ITGA8: variants seen among roughly 807,000 people sequenced by gnomAD.
The protein encoded by ITGA8 is integrin alpha-8.
ITGA8 carries 91 observed loss-of-function variants against 142.3 expected under a neutral mutation model. The observed-to-expected ratio is 0.64, with a 90% CI of 0.54 to 0.76. The LOEUF (loss-of-function observed/expected upper bound fraction) is 0.76, where lower values mean the gene tolerates loss of function less well. Among genes scored for constraint, ITGA8 ranks in the 30% least tolerant of loss-of-function variants. ITGA8 has a pLI of 0.00. For synonymous variants in ITGA8, 505 were observed against 485.2 expected (o/e 1.04, Z -0.54); for missense variants, 1,406 against 1,327.7 (o/e 1.06, Z -0.92).
intron 2 of ITGA8, among the ~76,000 whole-genome samples, chr10:15,710,501 G>C (rs1449247572): frequency 6.6e-6 from 1 of 152,218 alleles, no homozygotes; most frequent in Non-Finnish European, 1.5e-5. Context: ...TATAGGAGGA[G>C]AGAAGCCTGA....
chr10:15,663,576 T>C (rs75479157), intron 8 of ITGA8, among the ~76,000 whole-genome samples: 2 of 71,800 alleles, frequency 2.8e-5, no homozygotes, highest in African/African-American at 4.7e-5. Flanking sequence ...AACAAGACTC[T>C]TTTTTTTTTT....
intron 13 of ITGA8, among the ~76,000 whole-genome samples, chr10:15,637,370 C>G (rs1250247258): frequency 6.6e-6 from 1 of 152,138 alleles, no homozygotes; most frequent in African/African-American, 2.4e-5. Flanking sequence ...TAGGTATTAT[C>G]AGCCCCATCA....
chr10:15,643,561 C>T (rs749676503), intron 13 of ITGA8, among the ~76,000 whole-genome samples: 1 of 152,160 alleles, frequency 6.6e-6, no homozygotes, highest in Non-Finnish European at 1.5e-5. Context: ...AGATTACAGG[C>T]ATGAGCCACC....
intron 5 of ITGA8, among the ~76,000 whole-genome samples, chr10:15,678,298 ATC>A (rs1278567769): frequency 2.0e-5 from 3 of 152,186 alleles, no homozygotes; most frequent in Non-Finnish European, 2.9e-5. Context: ...CTTACTGAAC[ATC>A]TCTTTTTAAT....
chr10:15,525,430 G>C (rs1833153716), intron 28 of ITGA8, among the ~76,000 whole-genome samples: 1 of 151,890 alleles, frequency 6.6e-6, no homozygotes, highest in South Asian at 2.1e-4. Flanking sequence ...ATCACCTGAG[G>C]TCAGGAATTC....
At chr10:15,644,577 C>T (rs1283852648) in intron 12 of ITGA8, among the ~76,000 whole-genome samples, 2 of 147,102 alleles carry the variant, frequency 1.4e-5, no homozygotes, top group East Asian at 2.0e-4. Context: ...GATCACCCCA[C>T]CTCAGCCTCC....
chr10:15,524,722 T>G (rs1300637694), intron 28 of ITGA8, among the ~76,000 whole-genome samples: 2 of 152,226 alleles, frequency 1.3e-5, no homozygotes, highest in Non-Finnish European at 2.9e-5. Context: ...ACTGATCACT[T>G]TTACAGGACC....
At chr10:15,606,783 C>T (rs753164083) in intron 17 of ITGA8, among the ~76,000 whole-genome samples, 9 of 152,106 alleles carry the variant, frequency 5.9e-5, no homozygotes, top group East Asian at 1.9e-4. Context: ...TTTTTATTTT[C>T]GTGAGGTTGC....
At position 15,569,502 on chromosome 10, in the gene ITGA8, C is replaced by T. The variant is rs985776788; in HGVS notation, c.2637+2709G>A. 2.6e-5 allele frequency among the ~76,000 whole-genome samples: 4 copies of T among 152,188 alleles called. No individual in the cohort carries two copies. The East Asian group carries it at 7.7e-4, about 29-fold the overall frequency. ...TTGGATACTGGAATTGAATTCTTGCCTTGACAAATGTTATTTCTGCTGCCT... is the reference window on the plus strand; with the variant it reads ...TTGGATACTGGAATTGAATTCTTGCTTTGACAAATGTTATTTCTGCTGCCT... On this transcript the variant is annotated intron_variant, in intron 25 of 29. Coordinates refer to ENST00000378076, the MANE Select transcript of ITGA8 (RefSeq NM_003638.3).
In ITGA8 at chr10:15,553,818, T is replaced by A. The variant is rs868114413; in HGVS notation, c.2766+4256A>T. On this transcript the variant is annotated intron_variant, in intron 26 of 29. Transcript: ENST00000378076. ...GAGTTTGAGACCAGCCTGGCCAACA[T>A]GCTGAAACCCTGTCTTTACAAAAAA... is the stretch of plus-strand genomic sequence containing the variant. Among the ~76,000 whole-genome samples the A allele has an allele frequency of 2.0e-5, 3 of 152,146 alleles. No homozygotes were observed. In the South Asian group the frequency reaches 6.2e-4, roughly 32 times the overall value.
At position 15,661,102 on chromosome 10, in the gene ITGA8, G is replaced by A. The variant is rs9333112; in HGVS notation, c.848-180C>T. Among the ~76,000 whole-genome samples the A allele has an allele frequency of 0.097, 14,818 of 152,130 alleles. 923 individuals carry two copies. Among genetic ancestry groups the A allele is most frequent in the East Asian group, 0.29 (1,504 of 5,152 alleles). On this transcript the variant is annotated intron_variant, in intron 8 of 29. Transcript: ENST00000378076. ...CCTGTCTGTGGCCTGTTGGGAGCCC[G>A]GCCACACACACAGTAGGAGGTGAGC... is the stretch of plus-strand genomic sequence containing the variant.
chr10:15,682,767 C>G (rs1165002645), intron 4 of ITGA8, among the ~76,000 whole-genome samples: 1 of 150,642 alleles, frequency 6.6e-6, no homozygotes, highest in African/African-American at 2.4e-5. Flanking sequence ...GGGAGGATTG[C>G]TTGAGCCCAG....
At chr10:15,714,178 T>G (rs982055000) in intron 2 of ITGA8, among the ~76,000 whole-genome samples, 1 of 152,246 alleles carries the variant, frequency 6.6e-6, no homozygotes, top group African/African-American at 2.4e-5. Flanking sequence ...TGTTGCAATT[T>G]GCTCTTCATT....
intron 27 of ITGA8, among the ~76,000 whole-genome samples, chr10:15,542,149 A>G (rs1833581102): frequency 6.6e-6 from 1 of 152,228 alleles, no homozygotes; most frequent in Non-Finnish European, 1.5e-5. Flanking sequence ...TCACAAAGCT[A>G]TTATTAAACA....
intron 19 of ITGA8, among the ~76,000 whole-genome samples, chr10:15,604,578 CAAAA>C (rs35672275): frequency 0.028 from 2,448 of 86,324 alleles, 25 homozygotes; most frequent in Non-Finnish European, 0.042. Flanking sequence ...AACCAGTTCT[CAAAA>C]AAAAAAAAAA....
At chr10:15,631,401 T>A (rs1436311537) in intron 13 of ITGA8, among the ~76,000 whole-genome samples, 3 of 151,750 alleles carry the variant, frequency 2.0e-5, no homozygotes, top group Non-Finnish European at 4.4e-5. Flanking sequence ...AAAGGATGAG[T>A]TCATGTCCTT....
At chr10:15,586,759 A>G in intron 22 of ITGA8, 95 bp from the exon 23 acceptor site, 1 of 717,162 alleles carries the variant, frequency 1.4e-6, no homozygotes, top group East Asian at 2.7e-5. Flanking sequence ...ACAGGAGAAC[A>G]CACGTTACTA....
intron 11 of ITGA8, among the ~76,000 whole-genome samples, chr10:15,652,232 C>T (rs1027853717): frequency 3.9e-5 from 6 of 152,178 alleles, no homozygotes; most frequent in African/African-American, 1.2e-4. Context: ...CAAAACTTTG[C>T]TATAGACTAG....
chr10:15,692,139 C>T (rs1044086176), intron 2 of ITGA8, among the ~76,000 whole-genome samples: 23 of 151,914 alleles, frequency 1.5e-4, no homozygotes, highest in African/African-American at 5.3e-4. Context: ...TGCTATGTTG[C>T]CCAGGCTGGC....
Sources: allele counts gnomAD v4.1 joint callset (sites outside exome capture counted in the v4.1 genomes callset), GRCh38; gene constraint gnomAD v4.1.1; transcripts MANE v1.5; gene names NCBI Gene and HGNC (gene_info 2026-07-23, HGNC 2026-07-21).